CYP11A1: variants seen among roughly 807,000 people sequenced by gnomAD.
The protein encoded by CYP11A1 is cytochrome P450 family 11 subfamily A member 1, also known as cholesterol side-chain cleavage enzyme, mitochondrial.
A neutral mutation model predicts 51.9 loss-of-function variants in CYP11A1; 25 were observed. The observed-to-expected ratio is 0.48, with a 90% CI of 0.35 to 0.67. The LOEUF (loss-of-function observed/expected upper bound fraction) is 0.67. CYP11A1 is among the 30% of genes least tolerant of loss of function. The pLI is 0.00. For synonymous variants in CYP11A1, 245 were observed against 262.1 expected, an observed-to-expected ratio of 0.93 and a Z score of 0.63; for missense variants, 578 against 680.9, an observed-to-expected ratio of 0.85 and a Z score of 1.68.
rs772234288 is a variant in CYP11A1 at position 74,345,292 on chromosome 15, T to G, written c.426-49A>C. The G allele has an allele frequency of 3.7e-6, 6 of 1,602,870 alleles. No homozygotes were observed. The South Asian group carries it at 5.5e-5, about 15-fold the overall frequency. The stretch of plus-strand genomic sequence containing the variant: ...CCCTCATGGTCACAGACCCCAGGCC[T>G]GGTGAACACAGAGGGGGCTGACTCA... On this transcript the variant is annotated intron_variant, in intron 2 of 8. Coordinates refer to ENST00000268053, the MANE Select transcript of CYP11A1 (RefSeq NM_000781.3). The surrounding 1 kb of genome is among the most constrained non-coding windows in gnomAD (Gnocchi z 4.3).
chr15:74,354,245 A>T (rs2060667468), intron 1 of CYP11A1, among the ~76,000 whole-genome samples: 1 of 152,174 alleles, frequency 6.6e-6, no homozygotes, highest in South Asian at 2.1e-4. Context: ...AGAAGTGAAA[A>T]TGGCCTGTTC....
At chr15:74,366,270 T>A in intron 1 of CYP11A1, 17 of 705,962 alleles carry the variant, frequency 2.4e-5, no homozygotes, top group Non-Finnish European at 2.6e-5. Flanking sequence ...CAAATCTCCC[T>A]CCCCCGATTT....
chr15:74,346,800 CTT>C (rs1046360822), intron 2 of CYP11A1, among the ~76,000 whole-genome samples: 22 of 131,702 alleles, frequency 1.7e-4, no homozygotes, highest in Non-Finnish European at 2.3e-4. Flanking sequence ...CTTTTCTTTT[CTT>C]TTTTTTTTTT....
intron 1 of CYP11A1, chr15:74,366,051 G>C (rs995096592): frequency 4.5e-5 from 44 of 985,522 alleles, no homozygotes; most frequent in Non-Finnish European, 4.7e-5. Flanking sequence ...GGGTCGACCC[G>C]GGGGGCGGAT....
intron 1 of CYP11A1, among the ~76,000 whole-genome samples, chr15:74,357,488 G>C (rs754070137): frequency 4.6e-5 from 7 of 152,064 alleles, no homozygotes; most frequent in Non-Finnish European, 1.0e-4. Flanking sequence ...CTCCACCTTT[G>C]GATACCTAGT....
chr15:74,350,290 AAAACCCAC>A (rs2060650186), intron 1 of CYP11A1: 1 of 200,702 alleles, frequency 5.0e-6, no homozygotes, highest in South Asian at 8.7e-5. Flanking sequence ...TGTTAGGAAA[AAAACCCAC>A]AAAAGTTGTA....
chr15:74,353,671 A>C (rs545209417), intron 1 of CYP11A1, among the ~76,000 whole-genome samples: 16 of 152,260 alleles, frequency 1.1e-4, no homozygotes, highest in African/African-American at 3.1e-4. Context: ...CTCCAGGGTA[A>C]ATTGAATAAG....
At position 74,343,937 on chromosome 15, in the gene CYP11A1, G is replaced by T. The variant is rs1398852113; in HGVS notation, c.681C>A (p.Asn227Lys). The T allele has an allele frequency of 1.2e-6, 2 of 1,614,032 alleles. No homozygotes were observed. Among genetic ancestry groups the T allele is most frequent in the Admixed American group, 1.7e-5 (1 of 60,006 alleles). The change falls in exon 4 of 9, where the codon AAC becomes AAA. Residue 227 changes from asparagine (N) to lysine (K), a missense_variant. By Grantham distance (94) the Asn-to-Lys change is moderately conservative (BLOSUM62 0). Coordinates refer to ENST00000268053, the MANE Select transcript of CYP11A1 (RefSeq NM_000781.3). ...ERQGMLEEVV[N>K]PEAQRFIDAI... ...CATCAATGAATCGCTGGGCCTCGGG[G>T]TTCACTACTTCCTCCAGCATCCCCT...
At chr15:74,347,775 T>A in intron 2 of CYP11A1, 125 bp downstream of exon 2, 1 of 850,562 alleles carries the variant, frequency 1.2e-6, no homozygotes, top group Non-Finnish European at 1.9e-6. Flanking sequence ...TGACGGGGAT[T>A]CACCTAGAGG....
chr15:74,353,918 G>A (rs888680772), intron 1 of CYP11A1, among the ~76,000 whole-genome samples: 3 of 152,138 alleles, frequency 2.0e-5, no homozygotes, highest in African/African-American at 7.2e-5. Context: ...AGGAATTAAT[G>A]GAGCATACTA....
intron 5 of CYP11A1, 35 bp downstream of exon 5, chr15:74,342,942 G>T: frequency 1.2e-6 from 2 of 1,610,978 alleles, no homozygotes; most frequent in Non-Finnish European, 1.7e-6. Flanking sequence ...GTGGGCACAG[G>T]GGGCAACAAG....
chr15:74,351,885 A>T (rs537900443), intron 1 of CYP11A1, among the ~76,000 whole-genome samples: 1 of 152,318 alleles, frequency 6.6e-6, no homozygotes, highest in South Asian at 2.1e-4. Context: ...TCAAACTGCC[A>T]TGGAGACTGC....
intron 1 of CYP11A1, 173 bp downstream of exon 1, chr15:74,367,144 G>C: frequency 1.5e-6 from 1 of 666,532 alleles, no homozygotes; most frequent in Non-Finnish European, 2.5e-6. Context: ...GTTGAATTTT[G>C]AAATATCCCT....
chr15:74,367,249 C>T (rs2060738101), intron 1 of CYP11A1, 68 bp downstream of exon 1: 12 of 1,584,238 alleles, frequency 7.6e-6, no homozygotes, highest in Non-Finnish European at 9.5e-6. Context: ...GGAGTGGGGA[C>T]TACAGCAGGG....
intron 5 of CYP11A1, among the ~76,000 whole-genome samples, chr15:74,340,964 G>A (rs1033213141): frequency 6.6e-6 from 1 of 152,204 alleles, no homozygotes; most frequent in Non-Finnish European, 1.5e-5. Context: ...CGCCTAAGAA[G>A]GAAGGATGTG....
chr15:74,366,065 C>T (rs2060731482), intron 1 of CYP11A1: 3 of 985,574 alleles, frequency 3.0e-6, no homozygotes, highest in South Asian at 4.7e-5. Context: ...GGCGGATGGG[C>T]TCGGGCTGTG....
intron 1 of CYP11A1, chr15:74,350,849 G>A (rs2141239247): frequency 6.6e-6 from 1 of 152,230 alleles, no homozygotes; most frequent in Admixed American, 6.5e-5. Flanking sequence ...CTTTGTTTGT[G>A]CGTTTTGTCA....
At chr15:74,344,035 C>T (rs1182319248) in intron 3 of CYP11A1, 43 bp from the exon 4 acceptor site, 1 of 1,570,470 alleles carries the variant, frequency 6.4e-7, no homozygotes. Flanking sequence ...TCTGACGGGG[C>T]CATCTGAGAG....
chr15:74,357,394 T>C (rs528827146), intron 1 of CYP11A1, among the ~76,000 whole-genome samples: 1 of 152,330 alleles, frequency 6.6e-6, no homozygotes, highest in East Asian at 1.9e-4. Flanking sequence ...ATGCTCTCCC[T>C]GCTGATCACG....
Sources: allele counts gnomAD v4.1 joint callset (sites outside exome capture counted in the v4.1 genomes callset), GRCh38; gene constraint gnomAD v4.1.1; non-coding constraint Gnocchi (gnomAD v3.1); transcripts MANE v1.5; gene names NCBI Gene and HGNC (gene_info 2026-07-23, HGNC 2026-07-21).